LRGUK: variants seen among roughly 807,000 people sequenced by gnomAD.
The protein encoded by LRGUK is leucine-rich repeat and guanylate kinase domain-containing protein.
LRGUK carries 65 observed loss-of-function variants against 76.0 expected under a neutral mutation model. That is an observed-to-expected ratio of 0.85 (90% CI 0.70 to 1.05). LRGUK has a LOEUF of 1.05. Ranked by LOEUF, LRGUK falls within the 50% of genes least tolerant of loss-of-function variation. The probability of loss-of-function intolerance (pLI) is 0.00; values close to 1 mark genes in which losing one functional copy is unlikely to be tolerated. For synonymous variants in LRGUK, 268 were observed against 265.6 expected (o/e 1.01, Z -0.09); for missense variants, 758 against 732.8 (o/e 1.03, Z -0.40).
downstream of LRGUK, among the ~76,000 whole-genome samples, chr7:134,267,787 A>T (rs1305513172): frequency 1.3e-5 from 2 of 152,124 alleles, no homozygotes; most frequent in African/African-American, 4.8e-5. Flanking sequence ...GGACTAATAC[A>T]GGGGGCAAGG....
chr7:134,133,935 G>A (rs1585411263), intron 1 of LRGUK, among the ~76,000 whole-genome samples: 1 of 152,028 alleles, frequency 6.6e-6, no homozygotes, highest in South Asian at 2.1e-4. Flanking sequence ...GGTGGCACAT[G>A]CCTGTAGACC....
chr7:134,143,261 A>T, intron 4 of LRGUK, 99 bp downstream of exon 4: 1 of 741,392 alleles, frequency 1.3e-6, no homozygotes. Flanking sequence ...AGAGAATAAG[A>T]TACAGAGGTA....
At chr7:134,274,647 A>G in the LRGUK span, among the ~76,000 whole-genome samples, 1 of 152,096 alleles carries the variant, frequency 6.6e-6, no homozygotes, top group Non-Finnish European at 1.5e-5. Flanking sequence ...TTTTGATGTT[A>G]TGTTAATCAG....
rs567576892 is a variant in LRGUK, at chr7:134,243,461, A to G, written c.1984-4095A>G. 7.2e-5 allele frequency among the ~76,000 whole-genome samples: 11 copies of G among 152,338 alleles called. No individual in the cohort carries two copies. The South Asian group carries it at 1.9e-3, about 26-fold the overall frequency. Reference sequence around the variant, plus strand: ...GAACTCCCATTCGCAATTGCTTCAAAGAGAATAAAATACCTAGGAATCCAA... The same window carrying G: ...GAACTCCCATTCGCAATTGCTTCAAGGAGAATAAAATACCTAGGAATCCAA... On this transcript the variant is annotated intron_variant, in intron 16 of 19. Transcript: ENST00000285928.
intron 16 of LRGUK, among the ~76,000 whole-genome samples, chr7:134,232,478 C>A (rs1801925065): frequency 1.3e-5 from 2 of 152,078 alleles, no homozygotes; most frequent in African/African-American, 4.8e-5. Context: ...TGGGGTTTCA[C>A]CATGTTGGCC....
At chr7:134,191,745 G>A (rs2117053352) in exon 12 of LRGUK, 2 of 1,601,394 alleles carry the variant, frequency 1.2e-6, no homozygotes, top group South Asian at 1.1e-5. Flanking sequence ...ATGAAATGGT[G>A]AACATGGTAA....
chr7:134,132,324 C>T (rs754392374), intron 1 of LRGUK, among the ~76,000 whole-genome samples: 1 of 151,968 alleles, frequency 6.6e-6, no homozygotes, highest in Non-Finnish European at 1.5e-5. Flanking sequence ...CACTGCATTC[C>T]AGCCTGAGTG....
At chr7:134,191,257 C>A (rs994962737) in intron 11 of LRGUK, among the ~76,000 whole-genome samples, 1 of 152,076 alleles carries the variant, frequency 6.6e-6, no homozygotes, top group Non-Finnish European at 1.5e-5. Context: ...TTCTGAGAAA[C>A]AAGTAGGCCA....
At chr7:134,219,388 A>G (rs927705761) in intron 15 of LRGUK, among the ~76,000 whole-genome samples, 1 of 152,232 alleles carries the variant, frequency 6.6e-6, no homozygotes, top group Non-Finnish European at 1.5e-5. Flanking sequence ...GCATTGTGTC[A>G]TCAGATGGAA....
At chr7:134,159,928 C>T (rs17167530) in intron 6 of LRGUK, among the ~76,000 whole-genome samples, 19,763 of 152,190 alleles carry the variant, frequency 0.13, 1,625 homozygotes, top group East Asian at 0.32. Flanking sequence ...TCATGTTTTC[C>T]GCCCATGAAG....
chr7:134,174,244 G>A (rs1445243420), intron 7 of LRGUK, among the ~76,000 whole-genome samples: 1 of 152,078 alleles, frequency 6.6e-6, no homozygotes, highest in Non-Finnish European at 1.5e-5. Flanking sequence ...GTGCATTTTT[G>A]TACTGTTTTT....
chr7:134,178,659 A>C (rs767815995), intron 10 of LRGUK, 50 bp downstream of exon 10: 3 of 1,453,298 alleles, frequency 2.1e-6, no homozygotes, highest in Middle Eastern at 1.7e-4. Flanking sequence ...CAAGCAAAAG[A>C]CAGCCTCATC....
At chr7:134,129,193 C>T (rs1797171271) in intron 1 of LRGUK, among the ~76,000 whole-genome samples, 1 of 122,294 alleles carries the variant, frequency 8.2e-6, no homozygotes, top group Non-Finnish European at 1.7e-5. Context: ...TTCCTTCCTT[C>T]CTCCCTCCCT....
At chr7:134,203,808 T>C (rs940112119) in intron 15 of LRGUK, among the ~76,000 whole-genome samples, 2 of 152,148 alleles carry the variant, frequency 1.3e-5, no homozygotes, top group Non-Finnish European at 2.9e-5. Context: ...GCCATCTCTA[T>C]GGAGAAGGGC....
intron 7 of LRGUK, 58 bp downstream of exon 7, chr7:134,163,598 G>A: frequency 6.9e-7 from 1 of 1,451,576 alleles, no homozygotes; most frequent in Non-Finnish European, 9.2e-7. Flanking sequence ...ACATATTAGA[G>A]ACTTAGCACA....
chr7:134,139,110 T>C (rs1190151381), intron 2 of LRGUK, among the ~76,000 whole-genome samples: 1 of 152,146 alleles, frequency 6.6e-6, no homozygotes, highest in Non-Finnish European at 1.5e-5. Context: ...TTGTCTTTAT[T>C]GCTATTGTGT....
chr7:134,232,513 C>T (rs915156198), intron 16 of LRGUK, among the ~76,000 whole-genome samples: 11 of 152,036 alleles, frequency 7.2e-5, no homozygotes, highest in African/African-American at 1.4e-4. Flanking sequence ...CTCCTGACCT[C>T]GTGATCTGCC....
At chr7:134,196,044 T>C (rs913860355) in intron 12 of LRGUK, among the ~76,000 whole-genome samples, 22 of 152,094 alleles carry the variant, frequency 1.4e-4, no homozygotes, top group African/African-American at 5.1e-4. Flanking sequence ...AGGGTAGCAA[T>C]AGACCCAACT....
chr7:134,199,467 T>C, intron 14 of LRGUK, 46 bp downstream of exon 14: 1 of 1,524,648 alleles, frequency 6.6e-7, no homozygotes, highest in Non-Finnish European at 9.1e-7. Flanking sequence ...GTAAGATTAC[T>C]GAATTAAAAG....
Sources: gnomAD v4.1 joint callset for allele counts (sites outside exome capture counted in the v4.1 genomes callset) on GRCh38, gnomAD v4.1.1 for gene constraint, MANE v1.5 for transcripts, NCBI Gene and HGNC (gene_info 2026-07-23, HGNC 2026-07-21) for gene names.